The following KIAA1217 variants were observed in gnomAD, a reference collection of about 807,000 sequenced individuals.
KIAA1217 encodes KIAA1217, also known as sickle tail protein homolog.
Under a neutral mutation model 163.9 loss-of-function variants are expected in KIAA1217, and 88 were observed. That is an observed-to-expected ratio of 0.54 (90% CI 0.45 to 0.64). KIAA1217 has a LOEUF of 0.64. Ranked by LOEUF, KIAA1217 falls within the 30% of genes least tolerant of loss-of-function variation. The probability of loss-of-function intolerance (pLI) is 0.00; values close to 1 mark genes in which losing one functional copy is unlikely to be tolerated. For synonymous variants in KIAA1217, 903 were observed against 923.1 expected (o/e 0.98, Z 0.39); for missense variants, 2,372 against 2,475.0 (o/e 0.96, Z 0.88).
intron 2 of KIAA1217, among the ~76,000 whole-genome samples, chr10:24,263,938 A>ACCCCTGCCTCCCAGGTTCAAGTGATT (rs2075960117): frequency 6.6e-6 from 1 of 151,914 alleles, no homozygotes; most frequent in Non-Finnish European, 1.5e-5. Context: ...GCTCACTGCA[A>ACCCCTGCCTCCCAGGTTCAAGTGATT]CCCCTGCCTC....
intron 2 of KIAA1217, among the ~76,000 whole-genome samples, chr10:24,183,739 G>T (rs1252175856): frequency 6.6e-6 from 1 of 152,090 alleles, no homozygotes; most frequent in Non-Finnish European, 1.5e-5. Context: ...CACTAAATCT[G>T]GTTAGACTGA....
At chr10:24,465,454 C>G (rs1358648001) in intron 5 of KIAA1217, among the ~76,000 whole-genome samples, 1 of 152,218 alleles carries the variant, frequency 6.6e-6, no homozygotes, top group Non-Finnish European at 1.5e-5. Context: ...GCAAGAACAA[C>G]CTCTAAAAGC....
At chr10:23,829,936 C>A (rs181428578) in intron 1 of KIAA1217, among the ~76,000 whole-genome samples, 1 of 152,086 alleles carries the variant, frequency 6.6e-6, no homozygotes, top group Non-Finnish European at 1.5e-5. Flanking sequence ...GGCTTACTAG[C>A]GGAAGTAATT....
intron 3 of KIAA1217, among the ~76,000 whole-genome samples, chr10:24,400,962 T>TACACACACACACACAC (rs375697958): frequency 0.029 from 3,357 of 117,076 alleles, 247 homozygotes; most frequent in African/African-American, 0.1. Context: ...GCAAGAAACA[T>TACACACACACACACAC]ACACACACAC....
intron 2 of KIAA1217, among the ~76,000 whole-genome samples, chr10:24,254,015 G>A (rs1261768345): frequency 6.6e-6 from 1 of 152,188 alleles, no homozygotes; most frequent in Non-Finnish European, 1.5e-5. Flanking sequence ...CAGGATACGT[G>A]TGTCATGCAT....
intron 1 of KIAA1217, among the ~76,000 whole-genome samples, chr10:23,976,580 G>A (rs1479118452): frequency 6.6e-6 from 1 of 152,156 alleles, no homozygotes; most frequent in East Asian, 1.9e-4. Context: ...GATTTAATAT[G>A]TACCTCCTAT....
At chr10:24,293,743 C>T (rs1172282476) in intron 2 of KIAA1217, among the ~76,000 whole-genome samples, 4 of 152,222 alleles carry the variant, frequency 2.6e-5, no homozygotes, top group Admixed American at 2.6e-4. Flanking sequence ...TTAATAGCTT[C>T]TCTCTACTGA....
At chr10:24,143,681 C>T (rs2064181645) in intron 2 of KIAA1217, among the ~76,000 whole-genome samples, 1 of 151,794 alleles carries the variant, frequency 6.6e-6, no homozygotes, top group Admixed American at 6.6e-5. Context: ...CTAGTGTATC[C>T]CATATTCAGT....
chr10:24,323,666 C>A (rs2044463858), intron 2 of KIAA1217, among the ~76,000 whole-genome samples: 1 of 152,074 alleles, frequency 6.6e-6, no homozygotes, highest in Admixed American at 6.6e-5. Flanking sequence ...ATTGTAAAAA[C>A]CAGCTGGGTA....
intron 1 of KIAA1217, among the ~76,000 whole-genome samples, chr10:23,701,483 C>T (rs1388729673): frequency 1.3e-5 from 2 of 152,148 alleles, no homozygotes; most frequent in Non-Finnish European, 2.9e-5. Flanking sequence ...ACTTTCCTGT[C>T]TCTCACTTTT....
At chr10:24,093,613 GA>G (rs1050354231) in intron 2 of KIAA1217, among the ~76,000 whole-genome samples, 4 of 151,020 alleles carry the variant, frequency 2.6e-5, no homozygotes, top group African/African-American at 9.8e-5. Context: ...ACTCAACTAA[GA>G]ATTTTTTTTT....
chr10:24,398,319 G>A (rs2056101030), intron 3 of KIAA1217, among the ~76,000 whole-genome samples: 1 of 152,152 alleles, frequency 6.6e-6, no homozygotes, highest in Admixed American at 6.5e-5. Context: ...ATTGAATAAA[G>A]CTGAAGAAGA....
Position 24,513,290 on chromosome 10 carries a change from TGAA to T in KIAA1217, c.2038_2040del (p.Lys680del), listed in dbSNP as rs747350895. 6.2e-7 allele frequency: 1 copy of T among 1,613,992 alleles called. No individual in the cohort carries two copies. Among genetic ancestry groups the T allele is most frequent in the Non-Finnish European group, 8.5e-7 (1 of 1,180,028 alleles). ...AACCAGGAGTTGCTGAGGGCAATGA[TGAA>T]GAAGGCCGAGCTGGAAATCAGTGGC... On this transcript the variant is annotated inframe_deletion, in exon 10 of 21. Transcript: ENST00000376454.
At chr10:24,361,426 G>A (rs1010598470) in intron 2 of KIAA1217, among the ~76,000 whole-genome samples, 5 of 152,096 alleles carry the variant, frequency 3.3e-5, no homozygotes, top group Non-Finnish European at 5.9e-5. Context: ...AGGCTCAAGC[G>A]ATCTTCCCAC....
At chr10:24,072,804 TGAA>T (rs568932798) in intron 2 of KIAA1217, among the ~76,000 whole-genome samples, 301 of 152,068 alleles carry the variant, frequency 2.0e-3, no homozygotes, top group African/African-American at 7.2e-3. Flanking sequence ...GGGGTGGAGA[TGAA>T]GAATACAGGC....
At chr10:24,402,375 G>C (rs1353018059) in intron 3 of KIAA1217, among the ~76,000 whole-genome samples, 1 of 151,984 alleles carries the variant, frequency 6.6e-6, no homozygotes, top group African/African-American at 2.4e-5. Context: ...CGGGCGTATT[G>C]GTGGGCGCCT....
intron 2 of KIAA1217, among the ~76,000 whole-genome samples, chr10:24,100,916 C>T (rs1035194554): frequency 6.6e-6 from 1 of 152,072 alleles, no homozygotes; most frequent in Non-Finnish European, 1.5e-5. Context: ...TTATTAAATG[C>T]CCTAAAAATA....
At chr10:24,016,450 T>G (rs1407715800) in intron 2 of KIAA1217, among the ~76,000 whole-genome samples, 1 of 152,140 alleles carries the variant, frequency 6.6e-6, no homozygotes, top group Non-Finnish European at 1.5e-5. Context: ...AAATCTACCC[T>G]GCAGCCTGTA....
intron 2 of KIAA1217, among the ~76,000 whole-genome samples, chr10:24,112,307 A>G (rs1338563542): frequency 6.6e-6 from 1 of 152,184 alleles, no homozygotes; most frequent in Non-Finnish European, 1.5e-5. Context: ...AACTTCACAC[A>G]TCTGTAGCCA....
Sources: gnomAD v4.1 joint callset for allele counts (sites outside exome capture counted in the v4.1 genomes callset) on GRCh38, gnomAD v4.1.1 for gene constraint, MANE v1.5 for transcripts, NCBI Gene and HGNC (gene_info 2026-07-23, HGNC 2026-07-21) for gene names.